COL21A1: variants seen among roughly 807,000 people sequenced by gnomAD.
COL21A1 encodes the protein collagen alpha-1(XXI) chain.
In COL21A1, 149 loss-of-function variants were observed where a neutral mutation model predicts 137.9. The observed-to-expected ratio is 1.08, with a 90% CI of 0.95 to 1.24. COL21A1 has a LOEUF of 1.24. COL21A1 is among the 50% of genes most tolerant of loss of function. The probability of loss-of-function intolerance (pLI) is 0.00; values close to 1 mark genes in which losing one functional copy is unlikely to be tolerated. For synonymous variants in COL21A1, 456 were observed against 391.5 expected (o/e 1.16, Z -1.95); for missense variants, 1,167 against 1,158.4 (o/e 1.01, Z -0.11).
chr6:56,325,772 A>ATT (rs1341246609), intron 1 of COL21A1, among the ~76,000 whole-genome samples: 5 of 5,212 alleles, frequency 9.6e-4, no homozygotes, highest in Non-Finnish European at 1.4e-3. Flanking sequence ...TATATATTAT[A>ATT]TATATTTATA....
chr6:56,244,764 C>T (rs1782547959), intron 1 of COL21A1, among the ~76,000 whole-genome samples: 1 of 152,158 alleles, frequency 6.6e-6, no homozygotes, highest in East Asian at 1.9e-4. Context: ...CAGTAATACA[C>T]TATTCAACTT....
intron 1 of COL21A1, among the ~76,000 whole-genome samples, chr6:56,188,396 C>A (rs4495274): frequency 0.65 from 98,534 of 152,042 alleles, 32,330 homozygotes; most frequent in East Asian, 0.86. Context: ...ACAGGACAAT[C>A]AATATACAAG....
intron 16 of COL21A1, among the ~76,000 whole-genome samples, chr6:56,123,498 A>C (rs62412814): frequency 0.15 from 22,838 of 152,138 alleles, 1,751 homozygotes; most frequent in Middle Eastern, 0.22. Flanking sequence ...ATGTCCAATG[A>C]TTGACCAAAT....
intron 1 of COL21A1, among the ~76,000 whole-genome samples, chr6:56,294,389 T>C (rs4365929): frequency 0.45 from 68,276 of 151,966 alleles, 17,283 homozygotes; most frequent in East Asian, 0.77. Flanking sequence ...ACAATGTATA[T>C]TCAAGTGAAA....
intron 10 of COL21A1, among the ~76,000 whole-genome samples, chr6:56,153,775 C>T (rs922145844): frequency 4.6e-5 from 7 of 152,128 alleles, no homozygotes; most frequent in African/African-American, 7.2e-5. Flanking sequence ...CCTGGTTTTC[C>T]TCCCATCTCA....
chr6:56,225,715 T>G (rs1781142271), intron 1 of COL21A1: 4 of 152,086 alleles, frequency 2.6e-5, no homozygotes, highest in Admixed American at 2.6e-4. Context: ...TTAGTCTTTT[T>G]AAAATTTAAT....
At chr6:56,307,456 G>A (rs1037837091) in intron 1 of COL21A1, among the ~76,000 whole-genome samples, 1 of 152,148 alleles carries the variant, frequency 6.6e-6, no homozygotes, top group Non-Finnish European at 1.5e-5. Flanking sequence ...CTGCCGCCTT[G>A]CAGTTTGATC....
At chr6:56,165,926 A>AC (rs1776548681) in intron 7 of COL21A1, among the ~76,000 whole-genome samples, 1 of 151,898 alleles carries the variant, frequency 6.6e-6, no homozygotes, top group Non-Finnish European at 1.5e-5. Context: ...ACACACACAC[A>AC]CACACACACA....
At chr6:56,163,463 C>T (rs1776336501) in intron 9 of COL21A1, among the ~76,000 whole-genome samples, 1 of 152,194 alleles carries the variant, frequency 6.6e-6, no homozygotes, top group African/African-American at 2.4e-5. Flanking sequence ...GTAATCCCAG[C>T]ACTTTGGGAG....
chr6:56,271,611 A>G (rs1054527217), intron 1 of COL21A1, among the ~76,000 whole-genome samples: 3 of 152,240 alleles, frequency 2.0e-5, no homozygotes, highest in African/African-American at 7.2e-5. Flanking sequence ...GCTGAATATT[A>G]AGAGTCAAGA....
intron 1 of COL21A1, among the ~76,000 whole-genome samples, chr6:56,186,073 T>G (rs1288029540): frequency 6.6e-6 from 1 of 152,120 alleles, no homozygotes; most frequent in Non-Finnish European, 1.5e-5. Context: ...AAATTTTCCA[T>G]TATTCTTTAT....
chr6:56,155,843 T>A (rs74495174), intron 10 of COL21A1, among the ~76,000 whole-genome samples: 1 of 152,170 alleles, frequency 6.6e-6, no homozygotes, highest in African/African-American at 2.4e-5. Flanking sequence ...TCTCAAGTGA[T>A]CCACCCACCT....
Position 56,247,446 on chromosome 6 carries a change from G to A in COL21A1, c.-98C>T, listed in dbSNP as rs1363813559. 1 of 152,304 alleles carries A rather than the reference G, an allele frequency of 6.6e-6. No individual in the cohort carries two copies. Among genetic ancestry groups the A allele is most frequent in the Non-Finnish European group, 1.5e-5 (1 of 68,136 alleles). 9.4% of individuals were successfully genotyped at this position (152,304 alleles called of 1,614,324 possible). A position where few individuals can be genotyped will look rare whatever the true frequency, so the allele number is the denominator to read the frequency against. On this transcript the variant is annotated 5_prime_UTR_variant, in exon 1 of 30. Coordinates refer to ENST00000244728, the MANE Select transcript of COL21A1 (RefSeq NM_030820.4). ...AGCCAGCTGAGTGTTGCGCCAGGGGGACAGGTATGTTCCAGGCAGTGGCAA... is the reference window on the plus strand; with the variant it reads ...AGCCAGCTGAGTGTTGCGCCAGGGGAACAGGTATGTTCCAGGCAGTGGCAA...
At chr6:56,377,960 C>A (rs2094002340) in intron 1 of COL21A1, among the ~76,000 whole-genome samples, 1 of 152,130 alleles carries the variant, frequency 6.6e-6, no homozygotes. Flanking sequence ...TTCCTAGATA[C>A]ACACTGGGCC....
intron 12 of COL21A1, among the ~76,000 whole-genome samples, chr6:56,128,924 G>C (rs1401791413): frequency 6.6e-6 from 1 of 152,144 alleles, no homozygotes; most frequent in African/African-American, 2.4e-5. Flanking sequence ...CAAAGTGCTA[G>C]GATTACAGGC....
chr6:56,170,667 A>C lies in COL21A1; in HGVS notation c.1008T>G (p.Phe336Leu). The part of the protein sequence containing the change: ...SVINGSQVVT[F>L]ANPQVKTLFD... ...TCTTTACCTTAACTTGAGGGTTAGC[A>C]AAGGTAACCACTTGTGAGCCATTAA... The change falls in exon 5 of 30, where the codon TTT becomes TTG. Residue 336 changes from phenylalanine to leucine, a missense_variant. Coordinates refer to ENST00000244728, the MANE Select transcript of COL21A1 (RefSeq NM_030820.4). The C allele has an allele frequency of 6.3e-7, 1 of 1,596,322 alleles. No individual in the cohort carries two copies. Among genetic ancestry groups the C allele is most frequent in the Non-Finnish European group, 8.6e-7 (1 of 1,169,240 alleles).
chr6:56,078,672 A>G (rs1049756519), intron 17 of COL21A1, among the ~76,000 whole-genome samples: 7 of 151,726 alleles, frequency 4.6e-5, no homozygotes, highest in Admixed American at 2.0e-4. Context: ...TCGCAATTAT[A>G]GGGCAAGACA....
chr6:56,350,875 G>C (rs1765697814), intron 1 of COL21A1, among the ~76,000 whole-genome samples: 1 of 152,224 alleles, frequency 6.6e-6, no homozygotes, highest in Admixed American at 6.5e-5. Flanking sequence ...AGCTACCGGA[G>C]GTCCCCGTTT....
rs551282478 is a variant in COL21A1 at position 56,096,481 on chromosome 6, T to G, written c.1812+4991A>C. 5.3e-5 allele frequency among the ~76,000 whole-genome samples: 8 copies of G among 152,342 alleles called. No homozygotes were observed. In the South Asian group the frequency reaches 1.7e-3, roughly 32 times the overall value. On this transcript the variant is annotated intron_variant, in intron 17 of 29. Coordinates refer to ENST00000244728, the MANE Select transcript of COL21A1 (RefSeq NM_030820.4). ...CTGGTGTTAGACCTGAGTTTACAGT[T>G]TCCTGAATTGAAGTTAATTAGGTAT...
Sources: gnomAD v4.1 joint callset for allele counts (sites outside exome capture counted in the v4.1 genomes callset) on GRCh38, gnomAD v4.1.1 for gene constraint, MANE v1.5 for transcripts, NCBI Gene and HGNC (gene_info 2026-07-23, HGNC 2026-07-21) for gene names.